MEI4: variants seen among roughly 807,000 people sequenced by gnomAD.
The protein encoded by MEI4 is meiotic double-stranded break formation protein 4, also known as meiosis-specific protein MEI4.
In MEI4, 27 loss-of-function variants were observed where a neutral mutation model predicts 31.4. The observed-to-expected ratio is 0.86, with a 90% CI of 0.63 to 1.19. The LOEUF is 1.19. Among genes scored for constraint, MEI4 ranks in the 50% most tolerant of loss-of-function variants. The pLI, the probability that MEI4 is intolerant of heterozygous loss-of-function variation, is 0.00. For missense variants in MEI4, 329 were observed against 398.9 expected, an observed-to-expected ratio of 0.82 and a Z score of 1.49; for synonymous variants, 122 against 145.4, an observed-to-expected ratio of 0.84 and a Z score of 1.16.
At chr6:77,759,236 C>G (rs148932296) in intron 2 of MEI4, among the ~76,000 whole-genome samples, 2 of 152,180 alleles carry the variant, frequency 1.3e-5, no homozygotes, top group African/African-American at 4.8e-5. Flanking sequence ...TGTTCCTTCT[C>G]TATGTTCTTA....
At chr6:77,661,305 G>A (rs1274856721) in intron 1 of MEI4, among the ~76,000 whole-genome samples, 1 of 151,986 alleles carries the variant, frequency 6.6e-6, no homozygotes, top group South Asian at 2.1e-4. Context: ...TGGGTGATTT[G>A]ACTAATAAAG....
intron 1 of MEI4, among the ~76,000 whole-genome samples, chr6:77,681,156 G>A (rs1582017647): frequency 6.6e-6 from 1 of 152,228 alleles, no homozygotes; most frequent in South Asian, 2.1e-4. Flanking sequence ...CCCTGGGATT[G>A]ACACAACCTC....
chr6:77,907,580 T>TAGTG (rs1766325920), intron 4 of MEI4, among the ~76,000 whole-genome samples: 1 of 152,206 alleles, frequency 6.6e-6, no homozygotes, highest in South Asian at 2.1e-4. Context: ...CTATTGGGAA[T>TAGTG]AGTGCTGCAA....
At chr6:77,894,724 G>T (rs1024691174) in intron 4 of MEI4, among the ~76,000 whole-genome samples, 1 of 152,154 alleles carries the variant, frequency 6.6e-6, no homozygotes, top group African/African-American at 2.4e-5. Flanking sequence ...CTAATCATGG[G>T]TTTTGTATCC....
At chr6:77,700,215 G>A (rs1328141782) in intron 2 of MEI4, among the ~76,000 whole-genome samples, 4 of 152,220 alleles carry the variant, frequency 2.6e-5, no homozygotes, top group Admixed American at 2.0e-4. Context: ...GGGGCAGGCA[G>A]GCCTCCTTGA....
chr6:77,709,961 C>T (rs909761474), intron 2 of MEI4, among the ~76,000 whole-genome samples: 3 of 152,138 alleles, frequency 2.0e-5, no homozygotes, highest in Admixed American at 2.0e-4. Flanking sequence ...CAAGTCCATG[C>T]CTGTGGGCTG....
At position 77,800,960 on chromosome 6, in the gene MEI4, G is replaced by T. The variant is rs887576848; in HGVS notation, c.769-27971G>T. On this transcript the variant is annotated intron_variant, in intron 3 of 4. Transcript: ENST00000684080. ...ATATTAGTCTAAAATTCTCTTTTTT[G>T]GTTGTGTCTCTGCCAGGCTTTGGTA... 1.3e-4 allele frequency among the ~76,000 whole-genome samples: 20 copies of T among 151,900 alleles called. No individual in the cohort carries two copies. The East Asian group carries it at 2.1e-3, about 16-fold the overall frequency.
chr6:77,699,505 T>A (rs553007946), intron 2 of MEI4, among the ~76,000 whole-genome samples: 2 of 152,350 alleles, frequency 1.3e-5, no homozygotes, highest in Non-Finnish European at 2.9e-5. Flanking sequence ...AGTTTCTATC[T>A]TCTTTGCCAT....
intron 3 of MEI4, among the ~76,000 whole-genome samples, chr6:77,789,520 A>G: frequency 6.6e-6 from 1 of 152,234 alleles, no homozygotes; most frequent in East Asian, 1.9e-4. Flanking sequence ...ACAAAGGGCT[A>G]ATATCCAGAA....
At chr6:77,729,756 C>T (rs896550638) in intron 2 of MEI4, among the ~76,000 whole-genome samples, 1 of 152,194 alleles carries the variant, frequency 6.6e-6, no homozygotes, top group East Asian at 1.9e-4. Flanking sequence ...CTGGAAACTT[C>T]CTTAGGAAAC....
chr6:77,772,005 T>C (rs747893536), intron 3 of MEI4, among the ~76,000 whole-genome samples: 53 of 152,028 alleles, frequency 3.5e-4, no homozygotes, highest in Non-Finnish European at 6.6e-4. Flanking sequence ...ATTTTATACA[T>C]CATTCTTTTT....
rs573230905 is a variant in MEI4 at position 77,791,015 on chromosome 6, T to G, written c.768+29350T>G. On this transcript the variant is annotated intron_variant, in intron 3 of 4. Coordinates refer to ENST00000684080, the MANE Select transcript of MEI4 (RefSeq NM_001322247.2). ...TCACACCAGTTAGAATGGCAATCAT[T>G]AAAAAGTCAGGAAACAACAGGTGCT... 4.6e-3 allele frequency among the ~76,000 whole-genome samples: 699 copies of G among 152,118 alleles called. 6 individuals carry two copies. Among genetic ancestry groups the G allele is most frequent in the South Asian group, 0.021 (102 of 4,820 alleles).
chr6:77,841,333 A>ATATATATATTTT lies in MEI4; in HGVS notation c.900+12272_900+12273insATATATATTTTT. Among the ~76,000 whole-genome samples the ATATATATATTTT allele has an allele frequency of 9.4e-4, 26 of 27,734 alleles. 3 individuals are homozygous for ATATATATATTTT. The highest frequency in any genetic ancestry group is 7.5e-3 in the African/African-American group (23 of 3,072). The allele number at this position is 27,734 out of a possible 152,430, so 18.2% of individuals were successfully genotyped here. A position where few individuals can be genotyped will look rare whatever the true frequency, so the allele number is the denominator to read the frequency against. On this transcript the variant is annotated intron_variant, in intron 4 of 4. Coordinates refer to ENST00000684080, the MANE Select transcript of MEI4 (RefSeq NM_001322247.2). ...TGTGTGCATATATATATATATATAT[A>ATATATATATTTT]TTTTTTTTTTTTTTTTTTTTTTTGA...
At chr6:77,773,479 A>C (rs986038808) in intron 3 of MEI4, among the ~76,000 whole-genome samples, 2 of 152,064 alleles carry the variant, frequency 1.3e-5, no homozygotes, top group South Asian at 4.1e-4. Context: ...CTGGATATCT[A>C]TATGTAAAGG....
At chr6:77,776,358 T>C (rs566736322) in intron 3 of MEI4, among the ~76,000 whole-genome samples, 57 of 152,098 alleles carry the variant, frequency 3.7e-4, no homozygotes, top group South Asian at 6.2e-4. Context: ...TATGCCTTCT[T>C]CCAAATAGGC....
At chr6:77,731,009 T>G (rs888695771) in intron 2 of MEI4, among the ~76,000 whole-genome samples, 5 of 151,908 alleles carry the variant, frequency 3.3e-5, no homozygotes, top group Non-Finnish European at 5.9e-5. Context: ...TGCCACATTT[T>G]CTTAATCCAG....
chr6:77,890,877 C>G (rs1445470210), intron 4 of MEI4, among the ~76,000 whole-genome samples: 1 of 152,140 alleles, frequency 6.6e-6, no homozygotes, highest in Non-Finnish European at 1.5e-5. Flanking sequence ...CATCTTCTTC[C>G]TGCTGCCGTG....
intron 1 of MEI4, 53 bp from the exon 2 acceptor site, chr6:77,690,605 G>A: frequency 2.5e-6 from 2 of 792,354 alleles, no homozygotes; most frequent in Non-Finnish European, 3.4e-6. Flanking sequence ...CAAATGAAAT[G>A]CACTGCACAA....
intron 2 of MEI4, among the ~76,000 whole-genome samples, chr6:77,705,239 G>C (rs1288449384): frequency 3.3e-5 from 5 of 151,916 alleles, no homozygotes; most frequent in African/African-American, 1.2e-4. Flanking sequence ...AGACATTTTG[G>C]GTAGGAAATT....
Sources: gnomAD v4.1 joint callset for allele counts (sites outside exome capture counted in the v4.1 genomes callset) on GRCh38, gnomAD v4.1.1 for gene constraint, MANE v1.5 for transcripts, NCBI Gene and HGNC (gene_info 2026-07-23, HGNC 2026-07-21) for gene names.